The following DPP10 variants were observed in gnomAD, a reference collection of about 807,000 sequenced individuals.
DPP10 encodes dipeptidyl peptidase like 10, also known as inactive dipeptidyl peptidase 10.
A neutral mutation model predicts 120.9 loss-of-function variants in DPP10; 33 were observed. That is an observed-to-expected ratio of 0.27 (90% confidence interval 0.21 to 0.37). The LOEUF is 0.37. DPP10 is among the 10% of genes least tolerant of loss of function. The pLI, the probability that DPP10 is intolerant of heterozygous loss-of-function variation, is 1.00. For missense variants in DPP10, 816 were observed against 942.8 expected, an observed-to-expected ratio of 0.87 and a Z score of 1.76; for synonymous variants, 337 against 326.1, an observed-to-expected ratio of 1.03 and a Z score of -0.36.
intron 1 of DPP10, among the ~76,000 whole-genome samples, chr2:115,188,113 G>A (rs2054597916): frequency 6.6e-6 from 1 of 152,046 alleles, no homozygotes; most frequent in African/African-American, 2.4e-5. Flanking sequence ...AGAAATCTCA[G>A]GAGAGAAGTA....
intron 1 of DPP10, among the ~76,000 whole-genome samples, chr2:114,902,950 G>A (rs548769367): frequency 5.3e-5 from 8 of 152,122 alleles, no homozygotes; most frequent in South Asian, 4.2e-4. Flanking sequence ...TGTGTTCCAC[G>A]AGTTATCCCT....
At chr2:115,254,897 C>T (rs557972419) in intron 1 of DPP10, among the ~76,000 whole-genome samples, 35 of 152,276 alleles carry the variant, frequency 2.3e-4, no homozygotes, top group African/African-American at 5.3e-4. Flanking sequence ...GGTGCTCTTC[C>T]GGCTGCTTTC....
At chr2:115,809,107 T>A (rs1411026749) in intron 19 of DPP10, among the ~76,000 whole-genome samples, 1 of 152,206 alleles carries the variant, frequency 6.6e-6, no homozygotes, top group Non-Finnish European at 1.5e-5. Flanking sequence ...AATAATGTAA[T>A]TCCTTACATG....
At chr2:114,764,402 C>T (rs1680540616) in intron 1 of DPP10, among the ~76,000 whole-genome samples, 1 of 150,444 alleles carries the variant, frequency 6.6e-6, no homozygotes, top group Non-Finnish European at 1.5e-5. Context: ...AAGATTTATC[C>T]ATACAATTAA....
chr2:115,115,980 A>G (rs1164850313), intron 1 of DPP10, among the ~76,000 whole-genome samples: 1 of 152,188 alleles, frequency 6.6e-6, no homozygotes, highest in Non-Finnish European at 1.5e-5. Flanking sequence ...TTAAAAGACA[A>G]AAACAATGTG....
At chr2:115,002,827 G>C (rs1209249065) in intron 1 of DPP10, among the ~76,000 whole-genome samples, 2 of 152,088 alleles carry the variant, frequency 1.3e-5, no homozygotes, top group Non-Finnish European at 2.9e-5. Flanking sequence ...TCTCATGCTA[G>C]TCATAATGAT....
chr2:114,749,544 A>C (rs17043476), intron 1 of DPP10, among the ~76,000 whole-genome samples: 7,950 of 102,966 alleles, frequency 0.077, 293 homozygotes, highest in South Asian at 0.14. Context: ...TTATTCTAGC[A>C]CTGCTTTTAT....
chr2:115,779,914 A>G (rs897371799), intron 15 of DPP10, among the ~76,000 whole-genome samples: 1 of 151,968 alleles, frequency 6.6e-6, no homozygotes, highest in Non-Finnish European at 1.5e-5. Context: ...CAGTGTTTCA[A>G]ATATGGAATT....
At chr2:115,742,254 A>G (rs758344762) in intron 9 of DPP10, among the ~76,000 whole-genome samples, 8 of 152,156 alleles carry the variant, frequency 5.3e-5, no homozygotes, top group Non-Finnish European at 1.0e-4. Flanking sequence ...TAAAACTCCC[A>G]CAGGTCAACA....
intron 1 of DPP10, among the ~76,000 whole-genome samples, chr2:114,443,767 C>A (rs1410314010): frequency 6.6e-6 from 1 of 150,644 alleles, no homozygotes; most frequent in Admixed American, 6.6e-5. Flanking sequence ...ACTGCAATCT[C>A]TCATTAACAT....
intron 5 of DPP10, among the ~76,000 whole-genome samples, chr2:115,541,046 G>T (rs2079140794): frequency 6.6e-6 from 1 of 151,804 alleles, no homozygotes; most frequent in Non-Finnish European, 1.5e-5. Flanking sequence ...TCTTGTAAAA[G>T]ATACTGTGAA....
intron 1 of DPP10, among the ~76,000 whole-genome samples, chr2:114,897,409 G>A (rs1239255420): frequency 6.6e-6 from 1 of 152,120 alleles, no homozygotes; most frequent in African/African-American, 2.4e-5. Context: ...AGAAAACCTA[G>A]GCATTACCAT....
chr2:115,647,942 C>G (rs908197620), intron 5 of DPP10, among the ~76,000 whole-genome samples: 2 of 152,082 alleles, frequency 1.3e-5, no homozygotes, highest in African/African-American at 4.8e-5. Context: ...TTGGAGGGAG[C>G]AAACACATTC....
chr2:115,346,250 A>AT (rs1477651459), intron 3 of DPP10, among the ~76,000 whole-genome samples: 1 of 152,238 alleles, frequency 6.6e-6, no homozygotes, highest in East Asian at 1.9e-4. Context: ...ATCAACAGTT[A>AT]TATCTAAATG....
At chr2:115,609,174 CA>C (rs2149245267) in intron 5 of DPP10, among the ~76,000 whole-genome samples, 1 of 152,224 alleles carries the variant, frequency 6.6e-6, no homozygotes, top group East Asian at 1.9e-4. Flanking sequence ...CAGTATTAGA[CA>C]TTAGAAGACA....
intron 5 of DPP10, among the ~76,000 whole-genome samples, chr2:115,684,893 T>G (rs1232658678): frequency 6.6e-6 from 1 of 151,988 alleles, no homozygotes; most frequent in African/African-American, 2.4e-5. Context: ...TTCATACATA[T>G]TTCCATCAAT....
chr2:115,151,808 C>T (rs138408072), intron 1 of DPP10, among the ~76,000 whole-genome samples: 7 of 150,844 alleles, frequency 4.6e-5, no homozygotes, highest in African/African-American at 1.7e-4. Flanking sequence ...TAATACATGT[C>T]ACATTTTCTT....
intron 2 of DPP10, among the ~76,000 whole-genome samples, chr2:115,327,104 T>G (rs1034159010): frequency 5.3e-5 from 8 of 152,200 alleles, no homozygotes; most frequent in African/African-American, 1.9e-4. Flanking sequence ...TAACTATATA[T>G]TTTCTATGTT....
rs189677369 is a variant in DPP10, at chr2:114,739,295, T to A, written c.60+296457T>A. Among the ~76,000 whole-genome samples, 11 of 152,276 alleles carry A rather than the reference T, an allele frequency of 7.2e-5. No individual in the cohort carries two copies. In the East Asian group the frequency reaches 2.1e-3, roughly 29 times the overall value. ...GCCCTCTTAGGAACAAGGCAAGCCA[T>A]CATTTGTCAATTCATATAAATATGA... On this transcript the variant is annotated intron_variant, in intron 1 of 25. Coordinates refer to ENST00000410059, the MANE Select transcript of DPP10 (RefSeq NM_020868.6).
Sources: gnomAD v4.1 joint callset for allele counts (sites outside exome capture counted in the v4.1 genomes callset) on GRCh38, gnomAD v4.1.1 for gene constraint, MANE v1.5 for transcripts, NCBI Gene and HGNC (gene_info 2026-07-23, HGNC 2026-07-21) for gene names.